CIZ1: variants seen among roughly 807,000 people sequenced by gnomAD.
CIZ1 encodes the protein cip1-interacting zinc finger protein.
Under a neutral mutation model 118.6 loss-of-function variants are expected in CIZ1, and 58 were observed. That is an observed-to-expected ratio of 0.49 (90% CI 0.40 to 0.61). The LOEUF is 0.61. Among genes scored for constraint, CIZ1 ranks in the 20% least tolerant of loss-of-function variants. CIZ1 has a pLI of 0.00. For missense variants in CIZ1, 921 were observed against 1,115.9 expected (o/e 0.83, Z 2.49); for synonymous variants, 448 against 443.4 (o/e 1.01, Z -0.13).
intron 14 of CIZ1, chr9:128,168,751 C>G: frequency 2.7e-6 from 1 of 370,532 alleles, no homozygotes; most frequent in East Asian, 6.0e-5. Context: ...TCACCATCAT[C>G]TGACTTTTCC....
At chr9:128,184,709 C>T (rs930769827) in intron 5 of CIZ1, among the ~76,000 whole-genome samples, 4 of 151,882 alleles carry the variant, frequency 2.6e-5, no homozygotes, top group African/African-American at 9.7e-5. Context: ...CTCTTGTTCC[C>T]CAGGCTGGAG....
chr9:128,166,983 A>G lies in CIZ1; in HGVS notation c.2366-103T>C. 6.2e-7 allele frequency: 1 copy of G among 1,600,148 alleles called. No homozygotes were observed. Among genetic ancestry groups the G allele is most frequent in the South Asian group, 1.1e-5 (1 of 89,986 alleles). ...GCTCCCCAACCCTCTAGGCAGGGGC[A>G]GAAGAGAAGGCTTCCCAGCCAGAAT... On this transcript the variant is annotated intron_variant, in intron 15 of 16. Coordinates refer to ENST00000372938, the MANE Select transcript of CIZ1 (RefSeq NM_001131016.2). This position sits in a 1 kb window ranked among gnomAD's most constrained non-coding sequence, Gnocchi z 4.4.
chr9:128,168,017 C>A (rs935039670), intron 14 of CIZ1, among the ~76,000 whole-genome samples: 2 of 152,150 alleles, frequency 1.3e-5, no homozygotes, highest in African/African-American at 4.8e-5. Context: ...GACTGCAGGC[C>A]CCCCCACCAC....
Position 128,181,682 on chromosome 9 carries a change from G to A in CIZ1, c.589-868C>T, listed in dbSNP as rs538928678. On this transcript the variant is annotated intron_variant, in intron 5 of 16. Coordinates refer to ENST00000372938, the MANE Select transcript of CIZ1 (RefSeq NM_001131016.2). ...CGGTGACGCCAGCGTCTGGGAAGACGCCCGTTACCAGGCGGATCATGGTCC... is the reference window on the plus strand; with the variant it reads ...CGGTGACGCCAGCGTCTGGGAAGACACCCGTTACCAGGCGGATCATGGTCC... 1.4e-4 allele frequency among the ~76,000 whole-genome samples: 21 copies of A among 151,616 alleles called. No homozygotes were observed. The East Asian group carries it at 3.1e-3, about 22-fold the overall frequency.
intron 11 of CIZ1, 118 bp downstream of exon 11, chr9:128,176,233 G>A (rs902692251): frequency 1.6e-6 from 2 of 1,289,512 alleles, no homozygotes; most frequent in Admixed American, 2.1e-5. Flanking sequence ...AGTGTGAGGA[G>A]GCCTGGCTGG....
upstream of CIZ1, among the ~76,000 whole-genome samples, chr9:128,195,153 T>C (rs7030667): frequency 0.92 from 139,427 of 152,224 alleles, 64,588 homozygotes; most frequent in Non-Finnish European, 0.98. Context: ...GTCTGGAAAA[T>C]AATCAACTTT....
intron 7 of CIZ1, among the ~76,000 whole-genome samples, 159 bp downstream of exon 7, chr9:128,180,256 C>T (rs980817950): frequency 5.3e-5 from 8 of 152,294 alleles, no homozygotes; most frequent in East Asian, 1.9e-4. Context: ...AGGTCAGGTG[C>T]GGAAATAAGT....
chr9:128,188,100 C>A (rs749487287), intron 3 of CIZ1, among the ~76,000 whole-genome samples, 166 bp from the exon 4 acceptor site: 253 of 26,194 alleles, frequency 9.7e-3, no homozygotes, highest in Middle Eastern at 0.042. Flanking sequence ...TTAAAAAAAG[C>A]AAAAGAAAGA....
intron 14 of CIZ1, 78 bp from the exon 15 acceptor site, chr9:128,167,242 C>G: frequency 9.3e-7 from 1 of 1,075,400 alleles, no homozygotes; most frequent in Non-Finnish European, 1.3e-6. Context: ...GCCTAGAGAC[C>G]ACCAATGCCC....
Position 128,166,080 on chromosome 9 carries a change from C to T in CIZ1, c.*117G>A, listed in dbSNP as rs1829378680. On this transcript the variant is annotated 3_prime_UTR_variant, in exon 17 of 17. Coordinates refer to ENST00000372938, the MANE Select transcript of CIZ1 (RefSeq NM_001131016.2). This position sits in a 1 kb window ranked among gnomAD's most constrained non-coding sequence, Gnocchi z 4.4. Reference sequence around the variant, plus strand: ...TGGTGGGAACTGCACAGCCAAACTACCTTGTTTTATTGGATTTTGAGTAAA... The same window carrying T: ...TGGTGGGAACTGCACAGCCAAACTATCTTGTTTTATTGGATTTTGAGTAAA... 2.6e-6 allele frequency: 2 copies of T among 780,846 alleles called. No homozygotes were observed. Among genetic ancestry groups the T allele is most frequent in the Admixed American group, 3.5e-5 (1 of 28,712 alleles). The allele number at this position is 780,846 out of a possible 1,614,324, so 48.4% of individuals were successfully genotyped here. A position where few individuals can be genotyped will look rare whatever the true frequency, so the allele number is the denominator to read the frequency against.
At chr9:128,186,980 C>T (rs186617593) in intron 4 of CIZ1, among the ~76,000 whole-genome samples, 19 of 148,396 alleles carry the variant, frequency 1.3e-4, no homozygotes, top group African/African-American at 4.0e-4. Context: ...TGCTCTGTTG[C>T]CCAGTCTGGA....
intron 1 of CIZ1, among the ~76,000 whole-genome samples, chr9:128,199,429 G>T (rs1054654677): frequency 6.6e-6 from 1 of 151,890 alleles, no homozygotes; most frequent in Non-Finnish European, 1.5e-5. Context: ...AGCCATGTAT[G>T]GTGGCTCACA....
upstream of CIZ1, among the ~76,000 whole-genome samples, chr9:128,192,292 C>G (rs1041912602): frequency 6.6e-6 from 1 of 151,820 alleles, no homozygotes; most frequent in Non-Finnish European, 1.5e-5. Context: ...ATCACTTGAG[C>G]CCGGGAGGCA....
At position 128,173,723 on chromosome 9, in the gene CIZ1, C is replaced by T. The variant is rs567589156; in HGVS notation, c.1943+2628G>A. On this transcript the variant is annotated intron_variant, in intron 11 of 16. Coordinates refer to ENST00000372938, the MANE Select transcript of CIZ1 (RefSeq NM_001131016.2). ...TGAGGCTGCCCAGAAACGGCCAACG[C>T]GGGCCGGGCATGGTGGCTTGCACCT... Among the ~76,000 whole-genome samples, 6 of 151,776 alleles carry T rather than the reference C, an allele frequency of 4.0e-5. No individual in the cohort carries two copies. The East Asian group carries it at 9.9e-4, about 25-fold the overall frequency.
intron 5 of CIZ1, among the ~76,000 whole-genome samples, chr9:128,181,300 G>C (rs1201856745): frequency 6.6e-6 from 1 of 152,166 alleles, no homozygotes; most frequent in Non-Finnish European, 1.5e-5. Flanking sequence ...ATTTTTAGTA[G>C]AGTTGGGGTT....
intron 7 of CIZ1, among the ~76,000 whole-genome samples, chr9:128,179,893 A>G (rs956218691): frequency 6.7e-6 from 1 of 150,332 alleles, no homozygotes; most frequent in Non-Finnish European, 1.5e-5. Context: ...GTTGGTCTCA[A>G]ACTCCCAACC....
rs753223068 is a variant in CIZ1, at chr9:128,179,288, C to A, written c.919G>T (p.Val307Leu). ...DLLPEALEAQ[V>L]LPRFQPRVLQ... Reference sequence around the variant, plus strand: ...ACCCGTGGCTGGAATCGTGGCAGCACTTGGGCTTCCAGGGCCTCAGGCAGC... The same window carrying A: ...ACCCGTGGCTGGAATCGTGGCAGCAATTGGGCTTCCAGGGCCTCAGGCAGC... The change falls in exon 8 of 17, where the codon GTG becomes TTG. Residue 307 changes from valine (V) to leucine (L), a missense_variant. Physicochemically the swap from Val to Leu is conservative, Grantham distance 32. Transcript: ENST00000372938. The A allele has an allele frequency of 6.2e-7, 1 of 1,614,146 alleles. No homozygotes were observed. The highest frequency in any genetic ancestry group is 8.5e-7 in the Non-Finnish European group (1 of 1,180,038).
At chr9:128,184,489 A>ATTTT (rs35204850) in intron 5 of CIZ1, among the ~76,000 whole-genome samples, 25 of 112,090 alleles carry the variant, frequency 2.2e-4, no homozygotes, top group East Asian at 7.5e-4. Flanking sequence ...GGCAGTGCTG[A>ATTTT]TTTTTTTTTT....
intron 14 of CIZ1, 56 bp from the exon 15 acceptor site, chr9:128,167,220 CA>C: frequency 7.1e-7 from 1 of 1,398,706 alleles, no homozygotes; most frequent in Non-Finnish European, 9.7e-7. Flanking sequence ...ACCTCCCAGA[CA>C]CAGGTCGGGG....
Sources: allele counts gnomAD v4.1 joint callset (sites outside exome capture counted in the v4.1 genomes callset), GRCh38; gene constraint gnomAD v4.1.1; non-coding constraint Gnocchi (gnomAD v3.1); transcripts MANE v1.5; gene names NCBI Gene and HGNC (gene_info 2026-07-23, HGNC 2026-07-21).